DNAH12: variants seen among roughly 807,000 people sequenced by gnomAD.
DNAH12 encodes the protein axonemal beta dynein heavy chain 12.
A neutral mutation model predicts 371.5 loss-of-function variants in DNAH12; 285 were observed. The observed-to-expected ratio is 0.77, with a 90% CI of 0.70 to 0.85. DNAH12 has a LOEUF of 0.85. DNAH12 is among the 40% of genes least tolerant of loss of function. DNAH12 has a pLI of 0.00. For missense variants in DNAH12, 3,611 were observed against 3,689.4 expected (o/e 0.98, Z 0.55); for synonymous variants, 1,200 against 1,213.0 (o/e 0.99, Z 0.22).
At chr3:57,555,412 C>G in the DNAH12 span, among the ~76,000 whole-genome samples, 1 of 152,088 alleles carries the variant, frequency 6.6e-6, no homozygotes, top group Non-Finnish European at 1.5e-5. Context: ...CACTGGGTGG[C>G]TCTTGCCTGT....
intron 29 of DNAH12, among the ~76,000 whole-genome samples, chr3:57,440,444 T>C (rs531395213): frequency 6.6e-6 from 1 of 152,302 alleles, no homozygotes; most frequent in East Asian, 1.9e-4. Flanking sequence ...AAATACTGCA[T>C]GTTCTCACTT....
chr3:57,436,207 TTATATAACATA>T (rs1243769679), intron 30 of DNAH12, among the ~76,000 whole-genome samples: 1 of 152,054 alleles, frequency 6.6e-6, no homozygotes, highest in Non-Finnish European at 1.5e-5. Context: ...CATAACTTAC[TTATATAACATA>T]TATATAACTT....
chr3:57,314,681 A>G (rs1269768342), intron 65 of DNAH12, 50 bp from the exon 66 acceptor site: 1 of 1,492,300 alleles, frequency 6.7e-7, no homozygotes, highest in Non-Finnish European at 8.9e-7. Flanking sequence ...GTCAGATTCC[A>G]TCAGTAAAAT....
upstream of DNAH12, among the ~76,000 whole-genome samples, chr3:57,545,647 G>C (rs2069518946): frequency 6.6e-6 from 1 of 152,044 alleles, no homozygotes; most frequent in African/African-American, 2.4e-5. Context: ...GGTCCCCAGA[G>C]AACCCCCAGC....
chr3:57,419,925 C>T (rs951967843), intron 36 of DNAH12, among the ~76,000 whole-genome samples: 2 of 152,132 alleles, frequency 1.3e-5, no homozygotes, highest in Non-Finnish European at 2.9e-5. Context: ...CTCTAATGTA[C>T]TTCAAGTTAC....
chr3:57,429,592 G>T, intron 33 of DNAH12, 99 bp downstream of exon 33: 1 of 1,104,194 alleles, frequency 9.1e-7, no homozygotes, highest in Admixed American at 2.8e-5. Flanking sequence ...TATTCCTAGT[G>T]CCTAACCCAT....
At chr3:57,308,990 G>A (rs932708045) in intron 69 of DNAH12, among the ~76,000 whole-genome samples, 161 bp downstream of exon 69, 3 of 151,766 alleles carry the variant, frequency 2.0e-5, no homozygotes, top group South Asian at 2.1e-4. Flanking sequence ...TTCCCACACC[G>A]CCCCTAATCC....
At chr3:57,322,820 C>T (rs1398537942) in intron 64 of DNAH12, among the ~76,000 whole-genome samples, 187 bp downstream of exon 64, 1 of 152,138 alleles carries the variant, frequency 6.6e-6, no homozygotes, top group Non-Finnish European at 1.5e-5. Context: ...ATCCCAGCTA[C>T]TGGGGAGGCT....
chr3:57,397,742 AAAG>A (rs1242147899), intron 43 of DNAH12, among the ~76,000 whole-genome samples: 1 of 152,200 alleles, frequency 6.6e-6, no homozygotes, highest in African/African-American at 2.4e-5. Flanking sequence ...ATACAACCTC[AAAG>A]AAGACACGTC....
intron 68 of DNAH12, 39 bp downstream of exon 68, chr3:57,309,627 A>G: frequency 7.2e-7 from 1 of 1,396,970 alleles, no homozygotes; most frequent in Non-Finnish European, 9.4e-7. Flanking sequence ...TATCATTTTT[A>G]TTTATATTAT....
Position 57,334,792 on chromosome 3 carries a change from T to G in DNAH12, c.9823A>C (p.Arg3275=). The G allele has an allele frequency of 2.6e-6, 4 of 1,551,058 alleles. No individual in the cohort carries two copies. Among genetic ancestry groups the G allele is most frequent in the African/African-American group, 1.4e-5 (1 of 73,126 alleles). Residue 3275 remains arginine (R), a synonymous_variant, in exon 61 of 74, where the codon AGA becomes CGA. Transcript: ENST00000495027. ...AATTTAAACAATCACCTGAGTCCTC[T>G]GAAGGCAGGAAATTCACTTGCCCGA... ...ICRASEFPAF[R]GLRQHFCEHI...
In DNAH12 at chr3:57,361,026, A is replaced by G. The variant is rs1454183334; in HGVS notation, c.9360+2568T>C. Among the ~76,000 whole-genome samples the G allele has an allele frequency of 2.6e-5, 4 of 152,104 alleles. No homozygotes were observed. In the East Asian group the frequency reaches 7.8e-4, roughly 30 times the overall value. ...ACGCCTTTTCTGCTTATAACATTGT[A>G]TTATTCTATAAAAAGAGAAGTAACA... On this transcript the variant is annotated intron_variant, in intron 58 of 73. Coordinates refer to ENST00000495027, the MANE Select transcript of DNAH12 (RefSeq NM_001366028.2).
intron 62 of DNAH12, among the ~76,000 whole-genome samples, chr3:57,332,023 C>T (rs977561896): frequency 2.0e-5 from 3 of 152,290 alleles, no homozygotes; most frequent in Admixed American, 6.5e-5. Context: ...CCCCACCCTG[C>T]TCCTTGACTA....
At chr3:57,531,440 T>C (rs1304779165) in intron 2 of DNAH12, among the ~76,000 whole-genome samples, 2 of 152,222 alleles carry the variant, frequency 1.3e-5, no homozygotes, top group East Asian at 3.9e-4. Context: ...CCTTTCTTTA[T>C]CTTTGAGCTT....
At chr3:57,429,848 T>A in intron 32 of DNAH12, 74 bp from the exon 33 acceptor site, 2 of 1,216,326 alleles carry the variant, frequency 1.6e-6, no homozygotes, top group Non-Finnish European at 2.2e-6. Context: ...ATACTATGTA[T>A]AAAATAAAGT....
intron 59 of DNAH12, among the ~76,000 whole-genome samples, chr3:57,353,739 G>A (rs937056168): frequency 1.3e-5 from 2 of 152,150 alleles, no homozygotes; most frequent in East Asian, 1.9e-4. Flanking sequence ...CTTTTCAAAA[G>A]AAGACATACA....
Position 57,421,583 on chromosome 3 carries a change from C to G in DNAH12, c.5497G>C (p.Asp1833His), listed in dbSNP as rs1473469406. 1 of 1,551,668 alleles carries G rather than the reference C, an allele frequency of 6.4e-7. No individual in the cohort carries two copies. Among genetic ancestry groups the G allele is most frequent in the East Asian group, 2.4e-5 (1 of 40,906 alleles). The change falls in exon 36 of 74, where the codon GAT (aspartate) becomes CAT (histidine). Residue 1833 changes from aspartate (D) to histidine (H), a missense_variant. Transcript: ENST00000495027. ...LGKDDENPVP[D>H]SVGKWECPFD... The stretch of plus-strand genomic sequence containing the variant: ...GGGCATTCCCATTTACCCACAGAAT[C>G]TGGCACTGGGTTTTCATCATCTTTT...
At chr3:57,526,899 A>G (rs2068666868) in intron 2 of DNAH12, among the ~76,000 whole-genome samples, 1 of 151,524 alleles carries the variant, frequency 6.6e-6, no homozygotes, top group Non-Finnish European at 1.5e-5. Context: ...GGGTGGCACT[A>G]TCTCAGCTCA....
At chr3:57,370,510 TCTCAACCA>T (rs2063148500) in intron 55 of DNAH12, among the ~76,000 whole-genome samples, 3 of 152,192 alleles carry the variant, frequency 2.0e-5, no homozygotes, top group Non-Finnish European at 4.4e-5. Context: ...TCTGAACTGC[TCTCAACCA>T]TTGCACAATA....
Sources: allele counts gnomAD v4.1 joint callset (sites outside exome capture counted in the v4.1 genomes callset), GRCh38; gene constraint gnomAD v4.1.1; transcripts MANE v1.5; gene names NCBI Gene and HGNC (gene_info 2026-07-23, HGNC 2026-07-21).